The following KANSL1 variants were observed in gnomAD, a reference collection of about 807,000 sequenced individuals.
The protein encoded by KANSL1 is KAT8 regulatory NSL complex subunit 1, also known as MLL1/MLL complex subunit KANSL1.
In KANSL1, 22 loss-of-function variants were observed where a neutral mutation model predicts 103.6. The ratio of observed to expected loss-of-function variants is 0.21; its 90% CI spans 0.15 to 0.30. The LOEUF (loss-of-function observed/expected upper bound fraction) is 0.30, where lower values mean the gene tolerates loss of function less well. Ranked by LOEUF, KANSL1 falls within the 10% of genes least tolerant of loss-of-function variation. The pLI is 1.00. For missense variants in KANSL1, 1,337 were observed against 1,399.8 expected (o/e 0.96, Z 0.72); for synonymous variants, 600 against 527.6 (o/e 1.14, Z -1.88).
chr17:46,129,776 T>C (rs2043755786), intron 2 of KANSL1, among the ~76,000 whole-genome samples: 1 of 151,976 alleles, frequency 6.6e-6, no homozygotes, highest in South Asian at 2.1e-4. Flanking sequence ...GTCTCAACTC[T>C]CCCTTGTGGG....
chr17:46,215,617 T>C (rs1597986301), intron 1 of KANSL1, among the ~76,000 whole-genome samples: 1 of 152,316 alleles, frequency 6.6e-6, no homozygotes, highest in African/African-American at 2.4e-5. Context: ...GTGACTAGAA[T>C]GGCACAAGAA....
chr17:46,151,489 C>T (rs1400820010), intron 2 of KANSL1, among the ~76,000 whole-genome samples: 1 of 152,240 alleles, frequency 6.6e-6, no homozygotes, highest in Non-Finnish European at 1.5e-5. Context: ...CACTTTCAAT[C>T]TCCTTAGGCT....
chr17:46,051,510 T>A (rs17653836), intron 6 of KANSL1, among the ~76,000 whole-genome samples: 21,793 of 152,252 alleles, frequency 0.14, 2,127 homozygotes, highest in Non-Finnish European at 0.22. Flanking sequence ...GAATTCTGTA[T>A]AAAAACTGAA....
intron 2 of KANSL1, among the ~76,000 whole-genome samples, chr17:46,158,778 C>T (rs2045574561): frequency 6.6e-6 from 1 of 152,062 alleles, no homozygotes; most frequent in Non-Finnish European, 1.5e-5. Context: ...TGACCTCAAG[C>T]GATCTGCCTG....
At chr17:46,038,955 G>A (rs1182393079) in intron 9 of KANSL1, 72 bp downstream of exon 9, 1 of 1,541,224 alleles carries the variant, frequency 6.5e-7, no homozygotes, top group Admixed American at 2.1e-5. Flanking sequence ...GTAATTAAGA[G>A]AAGCCTAGGC....
chr17:46,064,187 T>C (rs1046313387), intron 6 of KANSL1, among the ~76,000 whole-genome samples: 8 of 151,840 alleles, frequency 5.3e-5, no homozygotes, highest in African/African-American at 1.9e-4. Flanking sequence ...CAGGAAGAAA[T>C]GGTATCGCCT....
At chr17:46,162,699 T>TA (rs2045805120) in intron 2 of KANSL1, among the ~76,000 whole-genome samples, 1 of 152,264 alleles carries the variant, frequency 6.6e-6, no homozygotes, top group African/African-American at 2.4e-5. Context: ...TTCACCTCTA[T>TA]TCCCCTTCTC....
At chr17:46,072,167 G>A (rs1189178029) in intron 4 of KANSL1, among the ~76,000 whole-genome samples, 2 of 151,986 alleles carry the variant, frequency 1.3e-5, no homozygotes, top group African/African-American at 4.8e-5. Context: ...GTTTTTACGG[G>A]GGTCGTTTTT....
chr17:46,217,110 CAAAA>C (rs33982904), intron 1 of KANSL1, among the ~76,000 whole-genome samples: 73 of 110,976 alleles, frequency 6.6e-4, no homozygotes, highest in African/African-American at 1.3e-3. Flanking sequence ...GACCCTGTCT[CAAAA>C]AAAAAAAAAA....
Position 46,094,701 on chromosome 17 carries a change from C to T in KANSL1, c.1290G>A (p.Leu430=). 6.2e-7 allele frequency: 1 copy of T among 1,614,056 alleles called. No individual in the cohort carries two copies. The highest frequency in any genetic ancestry group is 2.2e-5 in the East Asian group (1 of 44,882). Residue 430 remains leucine, a splice_region_variant and synonymous_variant, in exon 3 of 15, where the codon CTG becomes CTA. Coordinates refer to ENST00000432791, the MANE Select transcript of KANSL1 (RefSeq NM_015443.4). ...CCCATTTCCATTCTGACCTGCGTCT[C>T]CTAAAAGGAAATAAACTGAGTGAAA... is the stretch of plus-strand genomic sequence containing the variant. The part of the protein sequence containing the change: ...RADPEQRHVP[L]RRRSEWKWAA...
At chr17:46,152,932 C>A (rs1338845543) in intron 2 of KANSL1, 1 of 152,204 alleles carries the variant, frequency 6.6e-6, no homozygotes, top group Non-Finnish European at 1.5e-5. Flanking sequence ...TCCATCTATC[C>A]CTTTCTTTCT....
intron 4 of KANSL1, among the ~76,000 whole-genome samples, chr17:46,080,505 A>T (rs533175806): frequency 3.9e-5 from 6 of 152,148 alleles, no homozygotes; most frequent in Admixed American, 3.9e-4. Flanking sequence ...AACAAAACAA[A>T]ACAAAAAAAC....
At position 46,063,343 on chromosome 17, in the gene KANSL1, G is replaced by A. The variant is rs144958116; in HGVS notation, c.1848+3194C>T. Among the ~76,000 whole-genome samples the A allele has an allele frequency of 2.6e-5, 4 of 152,312 alleles. No homozygotes were observed. In the East Asian group the frequency reaches 7.7e-4, roughly 29 times the overall value. ...CTGGCTGCCCTGAATAATACGGTGG[G>A]CATTCAAAAATGCTGTTGAATAAAT... is the stretch of plus-strand genomic sequence containing the variant. On this transcript the variant is annotated intron_variant, in intron 6 of 14. Transcript: ENST00000432791.
At chr17:46,072,044 T>C (rs2078599224) in intron 4 of KANSL1, among the ~76,000 whole-genome samples, 1 of 140,810 alleles carries the variant, frequency 7.1e-6, no homozygotes, top group Non-Finnish European at 1.5e-5. Flanking sequence ...AACATAGCAA[T>C]GAGATTCAAA....
At chr17:46,123,262 A>G (rs1389902134) in intron 2 of KANSL1, among the ~76,000 whole-genome samples, 1 of 152,230 alleles carries the variant, frequency 6.6e-6, no homozygotes, top group African/African-American at 2.4e-5. Context: ...TTGTAGTCCC[A>G]GCTACTCAGG....
intron 1 of KANSL1, among the ~76,000 whole-genome samples, chr17:46,180,367 G>A (rs911021399): frequency 1.3e-5 from 2 of 151,990 alleles, no homozygotes; most frequent in Admixed American, 6.6e-5. Flanking sequence ...GTGTGGTGGC[G>A]GGCACCTGTA....
rs2047442673 is a variant in KANSL1 at position 46,193,172 on chromosome 17, CCCCCG to C, written c.-444_-440del. 2 of 152,440 alleles carry C rather than the reference CCCCCG, an allele frequency of 1.3e-5. No homozygotes were observed. The highest frequency in any genetic ancestry group is 2.1e-4 in the South Asian group (1 of 4,844). The allele number at this position is 152,440 out of a possible 1,614,324, so 9.4% of individuals were successfully genotyped here. A position where few individuals can be genotyped will look rare whatever the true frequency, so the allele number is the denominator to read the frequency against. ...GGCGGGGGCAGAGAGTGAAACCGCCCCCCCGCCCCGCACAAACAAGCACCGCCGTC... is the reference window on the plus strand; with the variant it reads ...GGCGGGGGCAGAGAGTGAAACCGCCCCCCCGCACAAACAAGCACCGCCGTC... On this transcript the variant is annotated 5_prime_UTR_variant, in exon 1 of 15. Coordinates refer to ENST00000432791, the MANE Select transcript of KANSL1 (RefSeq NM_015443.4).
rs66507225 is a variant in KANSL1 at position 46,184,837 on chromosome 17, CTT to C, written c.-90+7984_-90+7985del. Among the ~76,000 whole-genome samples, 308 of 128,230 alleles carry C rather than the reference CTT, an allele frequency of 2.4e-3. 1 individual carries two copies. The highest frequency in any genetic ancestry group is 5.2e-3 in the South Asian group (22 of 4,226). 84.1% of individuals were successfully genotyped at this position (128,230 alleles called of 152,430 possible). A position where few individuals can be genotyped will look rare whatever the true frequency, so the allele number is the denominator to read the frequency against. Reference sequence around the variant, plus strand: ...GTCTCTTTCTTCCCCAGAGTATGTACTTTTTTTTTTTTTTTTTTTTGAAACAG... The same window carrying C: ...GTCTCTTTCTTCCCCAGAGTATGTACTTTTTTTTTTTTTTTTTTGAAACAG... On this transcript the variant is annotated intron_variant, in intron 1 of 14. Coordinates refer to ENST00000432791, the MANE Select transcript of KANSL1 (RefSeq NM_015443.4).
At chr17:46,210,350 G>A (rs941222603) in intron 1 of KANSL1, among the ~76,000 whole-genome samples, 5 of 152,020 alleles carry the variant, frequency 3.3e-5, no homozygotes, top group Admixed American at 6.5e-5. Context: ...GTGAGCACCT[G>A]TAGTCATAGC....
Sources: gnomAD v4.1 joint callset for allele counts (sites outside exome capture counted in the v4.1 genomes callset) on GRCh38, gnomAD v4.1.1 for gene constraint, MANE v1.5 for transcripts, NCBI Gene and HGNC (gene_info 2026-07-23, HGNC 2026-07-21) for gene names.